The following CPNE2 variants were observed in gnomAD, a reference collection of about 807,000 sequenced individuals.
The protein encoded by CPNE2 is copine 2.
Under a neutral mutation model 69.7 loss-of-function variants are expected in CPNE2, and 42 were observed. The ratio of observed to expected loss-of-function variants is 0.60; its 90% CI spans 0.47 to 0.78. CPNE2 has a LOEUF of 0.78. Ranked by LOEUF, CPNE2 falls within the 30% of genes least tolerant of loss-of-function variation. The pLI is 0.00. For missense variants in CPNE2, 587 were observed against 732.0 expected (o/e 0.80, Z 2.29); for synonymous variants, 294 against 289.8 (o/e 1.01, Z -0.15).
chr16:57,116,988 T>C (rs1186555116), intron 4 of CPNE2, among the ~76,000 whole-genome samples: 1 of 152,148 alleles, frequency 6.6e-6, no homozygotes, highest in Non-Finnish European at 1.5e-5. Flanking sequence ...CAGGGAACCA[T>C]AGCTGATGGG....
chr16:57,109,583 A>C (rs907152490), intron 1 of CPNE2, among the ~76,000 whole-genome samples: 4 of 152,184 alleles, frequency 2.6e-5, no homozygotes, highest in African/African-American at 9.7e-5. Context: ...TCTTGATGAT[A>C]TACTAAACAA....
Position 57,092,998 on chromosome 16 carries a change from C to A in CPNE2, c.-36+208C>A, listed in dbSNP as rs1168660000. On this transcript the variant is annotated intron_variant, in intron 1 of 15. Transcript: ENST00000290776. The surrounding 1 kb of genome is among the most constrained non-coding windows in gnomAD (Gnocchi z 5.3). Reference sequence around the variant, plus strand: ...ACCCGGCCACGCGGGGGCGCCCCGCCGGCTCCCGGACTGCGGGGAAGGGCG... The same window carrying A: ...ACCCGGCCACGCGGGGGCGCCCCGCAGGCTCCCGGACTGCGGGGAAGGGCG... Among the ~76,000 whole-genome samples, 1 of 152,104 alleles carries A rather than the reference C, an allele frequency of 6.6e-6. No homozygotes were observed. Among genetic ancestry groups the A allele is most frequent in the African/African-American group, 2.4e-5 (1 of 41,442 alleles).
rs183239956 is a variant in CPNE2 at position 57,111,074 on chromosome 16, A to C, written c.180+152A>C. On this transcript the variant is annotated intron_variant, in intron 2 of 15. Transcript: ENST00000290776. ...ATTACTTGGTAAATTGTTACTCTTAAAATGAAATTTTATTTTAAATATATT... is the reference window on the plus strand; with the variant it reads ...ATTACTTGGTAAATTGTTACTCTTACAATGAAATTTTATTTTAAATATATT... 3.5e-4 allele frequency: 135 copies of C among 387,254 alleles called. 1 individual carries two copies. The highest frequency in any genetic ancestry group is 3.2e-3 in the Middle Eastern group (5 of 1,544). The allele number at this position is 387,254 out of a possible 1,614,324, so 24.0% of individuals were successfully genotyped here.
At chr16:57,094,476 G>A (rs8056241) in intron 1 of CPNE2, among the ~76,000 whole-genome samples, 16,693 of 152,082 alleles carry the variant, frequency 0.11, 1,260 homozygotes, top group East Asian at 0.25. Context: ...ATGGAGCCTC[G>A]GTTTCTATGT....
At chr16:57,145,881 C>A in intron 14 of CPNE2, 1 of 593,796 alleles carries the variant, frequency 1.7e-6, no homozygotes, top group Non-Finnish European at 3.0e-6. Flanking sequence ...CTGCTGTGAC[C>A]AGGTCAGAGT....
At chr16:57,137,485 C>T (rs2305691) in intron 14 of CPNE2, among the ~76,000 whole-genome samples, 123,876 of 152,184 alleles carry the variant, frequency 0.81, 50,948 homozygotes, top group Non-Finnish European at 0.88. Context: ...AAAGCAAATC[C>T]ATTCGTGCTG....
chr16:57,123,449 G>C lies in CPNE2; in HGVS notation c.903G>C (p.Leu301=), dbSNP rs1295666045. The change falls in exon 10 of 16, where the codon CTG becomes CTC. Residue 301 remains leucine, a synonymous_variant. Transcript: ENST00000290776. ...ACTACTCCTTCCTTGACTACATCCT[G>C]GGAGGCTGCCAGCTCATGTTCACCG... ...NRDYSFLDYI[L]GGCQLMFTVG... The C allele has an allele frequency of 6.2e-7, 1 of 1,613,226 alleles. No individual in the cohort carries two copies.
At chr16:57,145,862 T>C (rs1251590760) in intron 14 of CPNE2, 1 of 571,364 alleles carries the variant, frequency 1.8e-6, no homozygotes, top group East Asian at 3.0e-5. Context: ...GGAGAGCAGT[T>C]TGTACTTCCT....
intron 8 of CPNE2, 43 bp downstream of exon 8, chr16:57,121,234 G>C: frequency 6.4e-7 from 1 of 1,552,222 alleles, no homozygotes; most frequent in Non-Finnish European, 8.8e-7. Context: ...CCTCAGCAGG[G>C]CTGGGGGAAG....
In CPNE2 at chr16:57,110,835, T is replaced by C; in HGVS notation, c.93T>C (p.Ser31=). 1 of 1,613,868 alleles carries C rather than the reference T, an allele frequency of 6.2e-7. No individual in the cohort carries two copies. The highest frequency in any genetic ancestry group is 1.1e-5 in the South Asian group (1 of 91,054). The part of the protein sequence containing the change: ...YCVCKVELSV[S]GQNLLDRDVT... ...TGTGCAAGGTGGAGCTGTCAGTGAG[T>C]GGCCAGAACCTACTGGACCGGGATG... Residue 31 remains serine, a synonymous_variant, in exon 2 of 16, where the codon AGT becomes AGC. Transcript: ENST00000290776.
intron 1 of CPNE2, among the ~76,000 whole-genome samples, chr16:57,093,241 C>T (rs1446373172): frequency 6.6e-6 from 1 of 150,870 alleles, no homozygotes; most frequent in Non-Finnish European, 1.5e-5. Flanking sequence ...CCACCCCCTG[C>T]CCCAGGCAAC....
intron 1 of CPNE2, chr16:57,093,995 A>G (rs1597486906): frequency 2.2e-6 from 1 of 455,678 alleles, no homozygotes; most frequent in East Asian, 7.0e-5. Context: ...CTGGGTCACC[A>G]TCTGTGAAAT....
At chr16:57,113,194 C>A in intron 2 of CPNE2, 94 bp from the exon 3 acceptor site, 1 of 1,154,970 alleles carries the variant, frequency 8.7e-7, no homozygotes, top group Non-Finnish European at 1.3e-6. Flanking sequence ...ACAGAGTAGG[C>A]ATTGTACAAG....
rs2069829929 is a variant in CPNE2, at chr16:57,130,478, G to A, written c.1116+2575G>A. Among the ~76,000 whole-genome samples the A allele has an allele frequency of 6.6e-6, 1 of 151,958 alleles. No individual in the cohort carries two copies. Among genetic ancestry groups the A allele is most frequent in the South Asian group, 2.1e-4 (1 of 4,812 alleles). ...AGCAGGGAGGAAGTGAAGGAGGGAG[G>A]GGCAGAAAGCAAACCCATAAGTAGC... On this transcript the variant is annotated intron_variant, in intron 12 of 15. Coordinates refer to ENST00000290776, the MANE Select transcript of CPNE2 (RefSeq NM_152727.6). The surrounding 1 kb of genome is among the most constrained non-coding windows in gnomAD (Gnocchi z 4.1).
chr16:57,123,575 T>G, intron 10 of CPNE2, 102 bp downstream of exon 10: 1 of 1,292,024 alleles, frequency 7.7e-7, no homozygotes, highest in Non-Finnish European at 1.1e-6. Context: ...AGGGTAGACT[T>G]CAGGAAGGAC....
chr16:57,132,100 CCCAGG>C (rs2069842516), intron 12 of CPNE2, among the ~76,000 whole-genome samples: 1 of 152,130 alleles, frequency 6.6e-6, no homozygotes, highest in South Asian at 2.1e-4. Flanking sequence ...AATTTGGGAC[CCCAGG>C]CCTGAGCAAA....
chr16:57,111,038 G>A, intron 2 of CPNE2, 116 bp downstream of exon 2: 1 of 750,700 alleles, frequency 1.3e-6, no homozygotes, highest in Non-Finnish European at 2.0e-6. Flanking sequence ...AGTGTGGGCT[G>A]GTGGCAGGGG....
intron 4 of CPNE2, among the ~76,000 whole-genome samples, chr16:57,117,277 G>A (rs113726458): frequency 1.3e-5 from 2 of 152,114 alleles, no homozygotes; most frequent in East Asian, 1.9e-4. Context: ...GCGTAGATCC[G>A]CTTCCTGACT....
At chr16:57,128,290 C>T (rs112850830) in intron 12 of CPNE2, among the ~76,000 whole-genome samples, 78 of 152,256 alleles carry the variant, frequency 5.1e-4, no homozygotes, top group African/African-American at 1.4e-3. Context: ...AGTGCAGTGG[C>T]ACAATCTCCA....
Sources: allele counts gnomAD v4.1 joint callset (sites outside exome capture counted in the v4.1 genomes callset), GRCh38; gene constraint gnomAD v4.1.1; non-coding constraint Gnocchi (gnomAD v3.1); transcripts MANE v1.5; gene names NCBI Gene and HGNC (gene_info 2026-07-23, HGNC 2026-07-21).